The following SEMA3C variants were observed in gnomAD, a reference collection of about 807,000 sequenced individuals.
SEMA3C encodes the protein semaphorin-3C.
Under a neutral mutation model 89.4 loss-of-function variants are expected in SEMA3C, and 47 were observed. That is an observed-to-expected ratio of 0.53 (90% CI 0.42 to 0.67). The LOEUF (loss-of-function observed/expected upper bound fraction) is 0.67, where lower values mean the gene tolerates loss of function less well. SEMA3C is among the 30% of genes least tolerant of loss of function. The probability of loss-of-function intolerance (pLI) is 0.00; values close to 1 mark genes in which losing one functional copy is unlikely to be tolerated. For missense variants in SEMA3C, 839 were observed against 929.1 expected (o/e 0.90, Z 1.26); for synonymous variants, 310 against 320.2 (o/e 0.97, Z 0.34).
At chr7:80,825,971 C>A (rs944653272) in intron 4 of SEMA3C, among the ~76,000 whole-genome samples, 1 of 152,030 alleles carries the variant, frequency 6.6e-6, no homozygotes, top group African/African-American at 2.4e-5. Flanking sequence ...AGATTGTGGT[C>A]TAACAGATCC....
At chr7:80,906,411 T>G (rs1482734091) in intron 2 of SEMA3C, among the ~76,000 whole-genome samples, 1 of 152,184 alleles carries the variant, frequency 6.6e-6, no homozygotes, top group Non-Finnish European at 1.5e-5. Flanking sequence ...TGACACATCT[T>G]AACTCTCGGC....
rs567353621 is a variant in SEMA3C at position 80,743,152 on chromosome 7, G to A, written c.*1742C>T. ...AAGTTTAATTATACCTTTTAAGCAG[G>A]CAAACCATTATAATAAACTGCTTTA... On this transcript the variant is annotated 3_prime_UTR_variant, in exon 18 of 18. Transcript: ENST00000265361. 12 of 151,892 alleles carry A rather than the reference G, an allele frequency of 7.9e-5. No individual in the cohort carries two copies. In the South Asian group the frequency reaches 2.3e-3, roughly 29 times the overall value. The allele number at this position is 151,892 out of a possible 1,614,324, so 9.4% of individuals were successfully genotyped here. A position where few individuals can be genotyped will look rare whatever the true frequency, so the allele number is the denominator to read the frequency against.
chr7:80,781,548 C>G (rs1389275115), intron 12 of SEMA3C, among the ~76,000 whole-genome samples: 1 of 152,170 alleles, frequency 6.6e-6, no homozygotes, highest in African/African-American at 2.4e-5. Context: ...GCAAAAACCG[C>G]CACCACAACT....
chr7:80,761,519 A>G, intron 14 of SEMA3C, 97 bp downstream of exon 14: 2 of 655,376 alleles, frequency 3.1e-6, no homozygotes, highest in South Asian at 1.9e-5. Flanking sequence ...TTATTTTGTT[A>G]GTACGATAAC....
At chr7:80,814,293 T>A (rs1356911655) in intron 5 of SEMA3C, among the ~76,000 whole-genome samples, 6 of 152,002 alleles carry the variant, frequency 3.9e-5, no homozygotes, top group Admixed American at 3.9e-4. Context: ...TTTCACCATG[T>A]TAGCCAGGAT....
chr7:80,850,887 A>T (rs1043288669), intron 2 of SEMA3C, among the ~76,000 whole-genome samples: 3 of 152,028 alleles, frequency 2.0e-5, no homozygotes, highest in Admixed American at 6.6e-5. Context: ...AAAACACAAA[A>T]TTTTTTCTCT....
At position 80,868,328 on chromosome 7, in the gene SEMA3C, T is replaced by A. The variant is rs150508995; in HGVS notation, c.104-39583A>T. ...TGTCACCCAGGCTGGAGTGCAGCGA[T>A]GCAGTCTCAGCTCACTGCAACCTCC... On this transcript the variant is annotated intron_variant, in intron 2 of 17. Coordinates refer to ENST00000265361, the MANE Select transcript of SEMA3C (RefSeq NM_006379.5). Among the ~76,000 whole-genome samples, 108 of 152,290 alleles carry A rather than the reference T, an allele frequency of 7.1e-4. 1 individual carries two copies. The highest frequency in any genetic ancestry group is 2.5e-3 in the African/African-American group (102 of 41,554).
intron 2 of SEMA3C, among the ~76,000 whole-genome samples, chr7:80,913,475 C>CA (rs1277511264): frequency 6.6e-6 from 1 of 152,154 alleles, no homozygotes; most frequent in African/African-American, 2.4e-5. Flanking sequence ...ATTTCCAATT[C>CA]AAAACTCACA....
intron 2 of SEMA3C, among the ~76,000 whole-genome samples, chr7:80,888,741 C>T (rs1791542320): frequency 6.6e-6 from 1 of 152,154 alleles, no homozygotes. Flanking sequence ...ACATTATAGA[C>T]ATTTAAAATA....
chr7:80,910,811 C>T (rs1792129226), intron 2 of SEMA3C, among the ~76,000 whole-genome samples: 2 of 145,138 alleles, frequency 1.4e-5, no homozygotes, highest in Admixed American at 1.4e-4. Flanking sequence ...TGTCTCGGTG[C>T]CATTTTTTTA....
rs74912734 is a variant in SEMA3C, at chr7:80,877,915, T to C, written c.103+38764A>G. Among the ~76,000 whole-genome samples the C allele has an allele frequency of 9.1e-4, 139 of 152,334 alleles. 1 individual carries two copies. The highest frequency in any genetic ancestry group is 3.1e-3 in the African/African-American group (128 of 41,586). On this transcript the variant is annotated intron_variant, in intron 2 of 17. Coordinates refer to ENST00000265361, the MANE Select transcript of SEMA3C (RefSeq NM_006379.5). ...CTCCCAGGTGATTCCACATCATGAA[T>C]TCCCACTCAAGGTGAGCTTATTTAT... is the stretch of plus-strand genomic sequence containing the variant.
At chr7:80,782,918 A>T (rs1443135233) in intron 12 of SEMA3C, among the ~76,000 whole-genome samples, 1 of 152,212 alleles carries the variant, frequency 6.6e-6, no homozygotes, top group African/African-American at 2.4e-5. Flanking sequence ...TTATAATAGT[A>T]ATAAAATATT....
rs893841210 is a variant in SEMA3C at position 80,795,759 on chromosome 7, G to C, written c.1131+2333C>G. 2.0e-5 allele frequency among the ~76,000 whole-genome samples: 3 copies of C among 152,190 alleles called. No homozygotes were observed. The South Asian group carries it at 6.2e-4, about 31-fold the overall frequency. On this transcript the variant is annotated intron_variant, in intron 11 of 17. Transcript: ENST00000265361. Reference sequence around the variant, plus strand: ...CCTTTTAAGTTGTCACGTGGGTGAAGAGCCTGATGAGAGGTAAGGTCAGAG... The same window carrying C: ...CCTTTTAAGTTGTCACGTGGGTGAACAGCCTGATGAGAGGTAAGGTCAGAG...
At chr7:80,844,163 T>C (rs549999170) in intron 2 of SEMA3C, among the ~76,000 whole-genome samples, 4 of 151,734 alleles carry the variant, frequency 2.6e-5, no homozygotes, top group African/African-American at 7.3e-5. Context: ...TCACTTTTCA[T>C]GAGTATAGCT....
intron 2 of SEMA3C, among the ~76,000 whole-genome samples, chr7:80,912,382 A>T (rs969188755): frequency 6.6e-6 from 1 of 152,166 alleles, no homozygotes; most frequent in Non-Finnish European, 1.5e-5. Context: ...ACGAGGCTAC[A>T]TTTCTTAGCA....
At chr7:80,821,613 G>A (rs1217490798) in intron 4 of SEMA3C, among the ~76,000 whole-genome samples, 2 of 152,184 alleles carry the variant, frequency 1.3e-5, no homozygotes, top group Non-Finnish European at 2.9e-5. Flanking sequence ...TAGAGACGGG[G>A]TTTCATCATG....
intron 2 of SEMA3C, among the ~76,000 whole-genome samples, chr7:80,863,956 A>G (rs958647616): frequency 3.5e-5 from 5 of 143,850 alleles, no homozygotes; most frequent in African/African-American, 1.1e-4. Context: ...TGTATATCAC[A>G]TGTATATCAC....
intron 12 of SEMA3C, among the ~76,000 whole-genome samples, chr7:80,786,107 C>T (rs922699241): frequency 6.6e-6 from 1 of 152,182 alleles, no homozygotes; most frequent in East Asian, 1.9e-4. Flanking sequence ...TCAAGAGACT[C>T]CTGTGGCTTT....
intron 12 of SEMA3C, among the ~76,000 whole-genome samples, chr7:80,776,401 C>G (rs1788550591): frequency 6.6e-6 from 1 of 152,108 alleles, no homozygotes; most frequent in African/African-American, 2.4e-5. Flanking sequence ...GTAAAACCTG[C>G]CAACTATAAT....
Sources: gnomAD v4.1 joint callset for allele counts (sites outside exome capture counted in the v4.1 genomes callset) on GRCh38, gnomAD v4.1.1 for gene constraint, MANE v1.5 for transcripts, NCBI Gene and HGNC (gene_info 2026-07-23, HGNC 2026-07-21) for gene names.